The following MGMT variants were observed in gnomAD, a reference collection of about 807,000 sequenced individuals.
MGMT encodes methylated-DNA--protein-cysteine methyltransferase.
A neutral mutation model predicts 15.9 loss-of-function variants in MGMT; 14 were observed. The ratio of observed to expected loss-of-function variants is 0.88; its 90% confidence interval spans 0.58 to 1.37. The LOEUF is 1.37. Among genes scored for constraint, MGMT ranks in the 40% most tolerant of loss-of-function variants. The pLI, the probability that MGMT is intolerant of heterozygous loss-of-function variation, is 0.00. For missense variants in MGMT, 282 were observed against 268.1 expected, an observed-to-expected ratio of 1.05 and a Z score of -0.36; for synonymous variants, 130 against 118.2, an observed-to-expected ratio of 1.10 and a Z score of -0.65.
intron 2 of MGMT, among the ~76,000 whole-genome samples, chr10:129,572,765 T>C (rs766933841): frequency 3.9e-5 from 6 of 152,156 alleles, no homozygotes; most frequent in Middle Eastern, 3.2e-3. Flanking sequence ...CCATTAAGAG[T>C]TGTTAAACAG....
chr10:129,708,561 A>G (rs1216004550), intron 3 of MGMT, among the ~76,000 whole-genome samples: 1 of 152,178 alleles, frequency 6.6e-6, no homozygotes, highest in Non-Finnish European at 1.5e-5. Context: ...ATGACTTGAG[A>G]ACTTACCTGT....
Position 129,687,388 on chromosome 10 carries a change from G to A in MGMT, c.126-20507G>A, listed in dbSNP as rs531205562. On this transcript the variant is annotated intron_variant, in intron 2 of 4. Coordinates refer to ENST00000651593, the MANE Select transcript of MGMT (RefSeq NM_002412.5). ...ACGACCAAGAAAGTTAAGGAGCGCC[G>A]ACGCCAAGGGTATCACTGGACTGAA... Among the ~76,000 whole-genome samples the A allele has an allele frequency of 1.4e-4, 21 of 152,202 alleles. 1 individual carries two copies. The South Asian group carries it at 2.9e-3, about 21-fold the overall frequency.
At chr10:129,751,040 T>C (rs1343651098) in intron 3 of MGMT, among the ~76,000 whole-genome samples, 1 of 152,098 alleles carries the variant, frequency 6.6e-6, no homozygotes, top group East Asian at 1.9e-4. Context: ...TTTCTGGTTT[T>C]GATGGTGGAG....
intron 3 of MGMT, among the ~76,000 whole-genome samples, chr10:129,709,879 CAGG>C (rs907999306): frequency 2.0e-5 from 3 of 152,066 alleles, no homozygotes; most frequent in African/African-American, 7.2e-5. Context: ...CAGCTGCTGA[CAGG>C]AGCTCCAGGG....
At chr10:129,551,845 C>T (rs1268111865) in intron 2 of MGMT, among the ~76,000 whole-genome samples, 2 of 152,162 alleles carry the variant, frequency 1.3e-5, no homozygotes, top group Non-Finnish European at 2.9e-5. Flanking sequence ...GGCCTGCGCT[C>T]GCCTGGGAAG....
At chr10:129,602,202 T>TA (rs1846831314) in intron 2 of MGMT, among the ~76,000 whole-genome samples, 1 of 152,204 alleles carries the variant, frequency 6.6e-6, no homozygotes, top group Non-Finnish European at 1.5e-5. Flanking sequence ...ATCTTCATTT[T>TA]TATTGCTTTT....
intron 1 of MGMT, among the ~76,000 whole-genome samples, chr10:129,501,036 C>T (rs575969663): frequency 9.8e-5 from 15 of 152,286 alleles, no homozygotes; most frequent in East Asian, 1.9e-4. Flanking sequence ...AGCTCAGTGA[C>T]GGGGTCAGTC....
chr10:129,708,047 G>A lies in MGMT; in HGVS notation c.274+4G>A, dbSNP rs201355006. The stretch of plus-strand genomic sequence containing the variant: ...CACCATCCCGTTTTCCAGCAAGGTC[G>A]GTAACTAAGCCATCTGCGGTGTTTC... On this transcript the variant is annotated splice_donor_region_variant and intron_variant, in intron 3 of 4. Coordinates refer to ENST00000651593, the MANE Select transcript of MGMT (RefSeq NM_002412.5). 1,104 of 1,610,560 alleles carry A rather than the reference G, an allele frequency of 6.9e-4. 16 individuals carry two copies. The South Asian group carries it at 0.011, about 16-fold the overall frequency.
intron 2 of MGMT, among the ~76,000 whole-genome samples, chr10:129,599,993 G>A (rs1846800347): frequency 6.6e-6 from 1 of 152,114 alleles, no homozygotes; most frequent in Non-Finnish European, 1.5e-5. Context: ...TAGGTAGGTA[G>A]GTAGGTAGGT....
chr10:129,523,006 C>T (rs926180397), intron 1 of MGMT, among the ~76,000 whole-genome samples: 7 of 152,384 alleles, frequency 4.6e-5, no homozygotes, highest in Non-Finnish European at 8.8e-5. Context: ...TCTGCCATGA[C>T]ATATTTAAGC....
chr10:129,647,024 C>T (rs74160254), intron 2 of MGMT, among the ~76,000 whole-genome samples: 1,547 of 152,074 alleles, frequency 0.01, 30 homozygotes, highest in African/African-American at 0.035. Context: ...CCATTTTCCT[C>T]CCAGCCGCTC....
At chr10:129,749,486 T>C (rs1260950918) in intron 3 of MGMT, among the ~76,000 whole-genome samples, 1 of 152,210 alleles carries the variant, frequency 6.6e-6, no homozygotes, top group Admixed American at 6.5e-5. Context: ...TAATATTCCA[T>C]TGTATGGATG....
chr10:129,540,887 C>T (rs922385333), intron 2 of MGMT, among the ~76,000 whole-genome samples: 1 of 152,192 alleles, frequency 6.6e-6, no homozygotes, highest in Non-Finnish European at 1.5e-5. Context: ...GGGGTGCTCC[C>T]ACCTGGAGCC....
At chr10:129,662,380 C>G (rs748971651) in intron 2 of MGMT, among the ~76,000 whole-genome samples, 1 of 152,108 alleles carries the variant, frequency 6.6e-6, no homozygotes, top group South Asian at 2.1e-4. Context: ...CGGAACTTTC[C>G]GTTTTAACAC....
At chr10:129,669,252 A>T (rs1249749982) in intron 2 of MGMT, among the ~76,000 whole-genome samples, 1 of 152,030 alleles carries the variant, frequency 6.6e-6, no homozygotes, top group Non-Finnish European at 1.5e-5. Flanking sequence ...ACTGGCTTCA[A>T]ATTCCTGGAC....
intron 2 of MGMT, among the ~76,000 whole-genome samples, chr10:129,646,090 T>A (rs570137244): frequency 1.8e-4 from 27 of 151,356 alleles, no homozygotes; most frequent in Non-Finnish European, 3.1e-4. Context: ...AGTACAGATA[T>A]GACATTTATA....
At chr10:129,668,654 A>G (rs918892143) in intron 2 of MGMT, among the ~76,000 whole-genome samples, 6 of 152,202 alleles carry the variant, frequency 3.9e-5, no homozygotes, top group Admixed American at 2.0e-4. Flanking sequence ...CTTTATAACA[A>G]ATTTTCAAAT....
At chr10:129,745,183 C>T (rs1848679709) in intron 3 of MGMT, among the ~76,000 whole-genome samples, 1 of 152,132 alleles carries the variant, frequency 6.6e-6, no homozygotes. Flanking sequence ...AGAAAACTCC[C>T]TTTGATTAAA....
At chr10:129,525,714 A>G (rs936933449) in intron 1 of MGMT, among the ~76,000 whole-genome samples, 4 of 152,330 alleles carry the variant, frequency 2.6e-5, no homozygotes, top group South Asian at 4.1e-4. Flanking sequence ...AAGCCAAGAC[A>G]TGAGCAGCGT....
Sources: gnomAD v4.1 joint callset for allele counts (sites outside exome capture counted in the v4.1 genomes callset) on GRCh38, gnomAD v4.1.1 for gene constraint, MANE v1.5 for transcripts, NCBI Gene and HGNC (gene_info 2026-07-23, HGNC 2026-07-21) for gene names.